CSMD1: variants seen among roughly 807,000 people sequenced by gnomAD.
CSMD1 encodes the protein CUB and Sushi multiple domains 1.
CSMD1 carries 213 observed loss-of-function variants against 417.5 expected under a neutral mutation model. That is an observed-to-expected ratio of 0.51 (90% CI 0.46 to 0.57). The LOEUF is 0.57. Among genes scored for constraint, CSMD1 ranks in the 20% least tolerant of loss-of-function variants. The pLI is 0.00. For missense variants in CSMD1, 6,923 were observed against 4,529.7 expected, an observed-to-expected ratio of 1.53 and a Z score of -15.17; for synonymous variants, 2,862 against 1,736.8, an observed-to-expected ratio of 1.65 and a Z score of -16.11.
At chr8:3,709,302 G>T (rs1031026686) in intron 6 of CSMD1, among the ~76,000 whole-genome samples, 4 of 152,076 alleles carry the variant, frequency 2.6e-5, no homozygotes, top group Admixed American at 2.6e-4. Context: ...TATGAGACTG[G>T]ACCTACAGCA....
intron 41 of CSMD1, among the ~76,000 whole-genome samples, chr8:3,123,650 G>A (rs1469156584): frequency 6.6e-6 from 1 of 152,088 alleles, no homozygotes; most frequent in African/African-American, 2.4e-5. Context: ...TTCTAGAGGA[G>A]GAGAAGCAAA....
chr8:4,650,844 G>C (rs1271304767), intron 1 of CSMD1, among the ~76,000 whole-genome samples: 1 of 152,160 alleles, frequency 6.6e-6, no homozygotes, highest in Non-Finnish European at 1.5e-5. Flanking sequence ...GTAGAAAGCA[G>C]AAAAATAGCT....
At chr8:4,945,814 CCA>C (rs1808329169) in intron 1 of CSMD1, among the ~76,000 whole-genome samples, 1 of 152,092 alleles carries the variant, frequency 6.6e-6, no homozygotes, top group Admixed American at 6.5e-5. Flanking sequence ...GCAGCAGAAC[CCA>C]GTTTTGGAGA....
chr8:4,021,571 A>C (rs1473539701), intron 4 of CSMD1, among the ~76,000 whole-genome samples: 3 of 152,196 alleles, frequency 2.0e-5, no homozygotes, highest in African/African-American at 7.2e-5. Context: ...ACCTGGGATC[A>C]TCCTCATGCT....
chr8:4,013,459 A>T (rs1796375604), intron 4 of CSMD1, among the ~76,000 whole-genome samples: 1 of 152,270 alleles, frequency 6.6e-6, no homozygotes, highest in East Asian at 1.9e-4. Context: ...GGGGGTTTCC[A>T]GGACATGGGA....
chr8:4,260,023 C>T (rs542843637), intron 3 of CSMD1, among the ~76,000 whole-genome samples: 21 of 23,706 alleles, frequency 8.9e-4, no homozygotes, highest in East Asian at 5.4e-3. Context: ...TTCTTGTGCA[C>T]ACTTTTTTTT....
At chr8:3,306,832 TTAAAAA>T (rs971891422) in intron 25 of CSMD1, among the ~76,000 whole-genome samples, 18 of 27,930 alleles carry the variant, frequency 6.4e-4, no homozygotes, top group African/African-American at 2.4e-3. Context: ...AGAGCTTACT[TTAAAAA>T]TATTACAGAG....
At chr8:4,183,281 AT>A (rs1218847386) in intron 3 of CSMD1, among the ~76,000 whole-genome samples, 4 of 152,346 alleles carry the variant, frequency 2.6e-5, no homozygotes, top group East Asian at 3.9e-4. Context: ...CTGTAAAAAA[AT>A]ATTTACACTA....
chr8:4,118,939 G>C (rs7841829), intron 3 of CSMD1, among the ~76,000 whole-genome samples: 150,593 of 152,252 alleles, frequency 0.99, 74,503 homozygotes, highest in Non-Finnish European at 1. Context: ...ATTTCCTTTG[G>C]GGGGACATGG....
chr8:3,225,521 G>T (rs1233776683), intron 27 of CSMD1, among the ~76,000 whole-genome samples: 2 of 152,086 alleles, frequency 1.3e-5, no homozygotes, highest in African/African-American at 4.8e-5. Context: ...GACCGATCAG[G>T]GAGCGGGAGC....
intron 1 of CSMD1, among the ~76,000 whole-genome samples, chr8:4,760,243 G>C (rs957394953): frequency 2.0e-5 from 3 of 152,140 alleles, no homozygotes; most frequent in African/African-American, 4.8e-5. Flanking sequence ...TATTTTTAGA[G>C]TACTATTTGC....
intron 2 of CSMD1, among the ~76,000 whole-genome samples, chr8:4,500,373 T>C (rs1483587969): frequency 1.3e-5 from 2 of 152,160 alleles, no homozygotes; most frequent in African/African-American, 4.8e-5. Context: ...TTGAGACAAA[T>C]GTGTTCATAT....
chr8:4,328,251 T>A, intron 3 of CSMD1, among the ~76,000 whole-genome samples: 1 of 150,468 alleles, frequency 6.6e-6, no homozygotes, highest in African/African-American at 2.4e-5. Context: ...AATTTTTTTT[T>A]TTTTTTTTTT....
chr8:3,609,492 T>A (rs1801783737), intron 8 of CSMD1, among the ~76,000 whole-genome samples: 1 of 152,216 alleles, frequency 6.6e-6, no homozygotes, highest in African/African-American at 2.4e-5. Flanking sequence ...ATTTTATACA[T>A]AATGATAGAA....
intron 7 of CSMD1, among the ~76,000 whole-genome samples, chr8:3,620,109 G>GAAGAA (rs1037344002): frequency 4.0e-4 from 61 of 151,900 alleles, no homozygotes; most frequent in Non-Finnish European, 5.4e-4. Context: ...CTGAAGAAAA[G>GAAGAA]AAGAAAAGAA....
chr8:3,299,443 A>C (rs1804220370), intron 25 of CSMD1, among the ~76,000 whole-genome samples: 1 of 152,054 alleles, frequency 6.6e-6, no homozygotes, highest in Non-Finnish European at 1.5e-5. Flanking sequence ...CAAGAGCAAC[A>C]CTTTGTCTCA....
At chr8:3,308,577 C>G in intron 23 of CSMD1, 74 bp from the exon 24 acceptor site, 1 of 1,256,410 alleles carries the variant, frequency 8.0e-7, no homozygotes, top group Non-Finnish European at 1.1e-6. Context: ...ATGAAACAAA[C>G]AAGGTTGCTA....
At position 4,868,622 on chromosome 8, in the gene CSMD1, A is replaced by G. The variant is rs558930078; in HGVS notation, c.85+125710T>C. Among the ~76,000 whole-genome samples, 9 of 152,260 alleles carry G rather than the reference A, an allele frequency of 5.9e-5. No homozygotes were observed. In the East Asian group the frequency reaches 1.7e-3, roughly 29 times the overall value. ...TTGAGGCATAATGAACAAGTGTTCA[A>G]TCATCTACTTAATTCTGAAGGTAAT... On this transcript the variant is annotated intron_variant, in intron 1 of 69. Coordinates refer to ENST00000635120, the MANE Select transcript of CSMD1 (RefSeq NM_033225.6).
chr8:3,872,589 G>C (rs551115555), intron 5 of CSMD1, among the ~76,000 whole-genome samples: 21 of 152,262 alleles, frequency 1.4e-4, no homozygotes, highest in Admixed American at 7.8e-4. Flanking sequence ...ATAGAGTTCA[G>C]TAAAAAGGCA....
Sources: gnomAD v4.1 joint callset for allele counts (sites outside exome capture counted in the v4.1 genomes callset) on GRCh38, gnomAD v4.1.1 for gene constraint, MANE v1.5 for transcripts, NCBI Gene and HGNC (gene_info 2026-07-23, HGNC 2026-07-21) for gene names.